Variants in UBE4B observed in about 807,000 individuals in gnomAD.
UBE4B encodes ubiquitin conjugation factor E4 B.
A neutral mutation model predicts 148.1 loss-of-function variants in UBE4B; 27 were observed. That is an observed-to-expected ratio of 0.18 (90% CI 0.13 to 0.25). The LOEUF (loss-of-function observed/expected upper bound fraction) is 0.25. Among genes scored for constraint, UBE4B ranks in the 10% least tolerant of loss-of-function variants. The pLI is 1.00. For missense variants in UBE4B, 1,170 were observed against 1,662.4 expected (o/e 0.70, Z 5.15); for synonymous variants, 596 against 619.3 (o/e 0.96, Z 0.56).
chr1:10,111,518 G>T (rs981828026), intron 7 of UBE4B, among the ~76,000 whole-genome samples: 1 of 152,096 alleles, frequency 6.6e-6, no homozygotes, highest in Non-Finnish European at 1.5e-5. Context: ...ACCCATGCAC[G>T]CACACCGTCG....
In UBE4B at chr1:10,135,152, G is replaced by T. The variant is rs754974888; in HGVS notation, c.2190G>T (p.Thr730=). ...ATGATGAGACGCGTGTGAATGCAAC[G>T]ATGGAAGATGTGAATGACTGGCTGA... ...LPNDETRVNA[T]MEDVNDWLTE... is the part of the protein sequence containing the mutation. Residue 730 remains threonine (T), a synonymous_variant, in exon 16 of 28, where the codon ACG becomes ACT. Coordinates refer to ENST00000343090, the MANE Select transcript of UBE4B (RefSeq NM_001105562.3). The T allele has an allele frequency of 7.4e-6, 12 of 1,613,862 alleles. No homozygotes were observed. In the South Asian group the frequency reaches 1.2e-4, roughly 16 times the overall value.
rs551321936 is a variant in UBE4B at position 10,168,855 on chromosome 1, G to C, written c.3333+585G>C. ...GGCAGTGAGCCGAGATGGTGCCACTGCACTCCAGCCTGGGCGACAGAGTGA... is the reference window on the plus strand; with the variant it reads ...GGCAGTGAGCCGAGATGGTGCCACTCCACTCCAGCCTGGGCGACAGAGTGA... On this transcript the variant is annotated intron_variant, in intron 24 of 27. Coordinates refer to ENST00000343090, the MANE Select transcript of UBE4B (RefSeq NM_001105562.3). This position sits in a 1 kb window ranked among gnomAD's most constrained non-coding sequence, Gnocchi z 4.9. Among the ~76,000 whole-genome samples the C allele has an allele frequency of 6.7e-6, 1 of 149,088 alleles. No homozygotes were observed. Among genetic ancestry groups the C allele is most frequent in the South Asian group, 2.1e-4 (1 of 4,744 alleles).
chr1:10,175,433 C>CTT (rs1646405889), intron 25 of UBE4B, among the ~76,000 whole-genome samples: 3 of 151,822 alleles, frequency 2.0e-5, no homozygotes, highest in Non-Finnish European at 4.4e-5. Context: ...GGGCGGATCA[C>CTT]AAGGTCAGGA....
At chr1:10,136,389 G>A (rs1645683513) in intron 16 of UBE4B, among the ~76,000 whole-genome samples, 1 of 151,644 alleles carries the variant, frequency 6.6e-6, no homozygotes, top group Non-Finnish European at 1.5e-5. Context: ...AGGATTGCCT[G>A]AGCCCAGGAA....
rs111941781 is a variant in UBE4B at position 10,161,851 on chromosome 1, C to T, written c.3198+565C>T. ...AGCCACTGAGATACTTCCTTGGTCG[C>T]TTATGAGGCCCTTGACAGTTGCTGG... On this transcript the variant is annotated intron_variant, in intron 23 of 27. Transcript: ENST00000343090. This position sits in a 1 kb window ranked among gnomAD's most constrained non-coding sequence, Gnocchi z 4.1. 4.9e-3 allele frequency among the ~76,000 whole-genome samples: 743 copies of T among 152,258 alleles called. 9 individuals are homozygous for T. Among genetic ancestry groups the T allele is most frequent in the African/African-American group, 0.017 (694 of 41,550 alleles).
intron 2 of UBE4B, among the ~76,000 whole-genome samples, chr1:10,090,028 A>T (rs1336027214): frequency 6.6e-6 from 1 of 151,690 alleles, no homozygotes; most frequent in Non-Finnish European, 1.5e-5. Flanking sequence ...AAAATAGGTA[A>T]CTTTGTTTTA....
At chr1:10,040,834 G>C (rs1643733940) in intron 1 of UBE4B, among the ~76,000 whole-genome samples, 1 of 151,724 alleles carries the variant, frequency 6.6e-6, no homozygotes, top group South Asian at 2.1e-4. Context: ...TGGCTTGGCG[G>C]GTCTCAAACT....
intron 11 of UBE4B, 83 bp from the exon 12 acceptor site, chr1:10,129,309 G>A: frequency 7.7e-7 from 1 of 1,297,678 alleles, no homozygotes; most frequent in African/African-American, 1.4e-5. Context: ...ATTTATAGCA[G>A]CAGTTAAAAC....
chr1:10,166,958 CACACACACACACAA>C (rs1473583578), intron 23 of UBE4B, among the ~76,000 whole-genome samples: 1 of 140,450 alleles, frequency 7.1e-6, no homozygotes, highest in African/African-American at 3.0e-5. Flanking sequence ...CACACACACA[CACACACACACACAA>C]AAAAAAAAAA....
At chr1:10,167,331 C>T (rs562292919) in intron 23 of UBE4B, among the ~76,000 whole-genome samples, 1 of 143,720 alleles carries the variant, frequency 7.0e-6, no homozygotes, top group African/African-American at 2.6e-5. Flanking sequence ...CCCAGCTACT[C>T]GGGATGCTGA....
At chr1:10,162,055 G>A (rs1446148478) in intron 23 of UBE4B, among the ~76,000 whole-genome samples, 1 of 149,954 alleles carries the variant, frequency 6.7e-6, no homozygotes, top group Non-Finnish European at 1.5e-5. Context: ...CAGGAGTACA[G>A]TGGTGCGATC....
At chr1:10,075,624 GTCA>G (rs1408630407) in intron 2 of UBE4B, among the ~76,000 whole-genome samples, 3 of 152,192 alleles carry the variant, frequency 2.0e-5, no homozygotes, top group African/African-American at 7.2e-5. Context: ...TTCTCACATA[GTCA>G]TCATTATTCA....
rs533189954 is a variant in UBE4B, at chr1:10,072,593, T to G, written c.211+379T>G. On this transcript the variant is annotated intron_variant, in intron 2 of 27. Coordinates refer to ENST00000343090, the MANE Select transcript of UBE4B (RefSeq NM_001105562.3). ...AATGGTCAAAATGAACACCTCTAAT[T>G]GCAGATTTCCTCGTCTTCATTCTGC... 45 of 679,216 alleles carry G rather than the reference T, an allele frequency of 6.6e-5. No individual in the cohort carries two copies. The African/African-American group carries it at 7.2e-4, about 11-fold the overall frequency. The allele number at this position is 679,216 out of a possible 1,614,324, so 42.1% of individuals were successfully genotyped here. A position where few individuals can be genotyped will look rare whatever the true frequency, so the allele number is the denominator to read the frequency against.
At chr1:10,151,298 C>T in intron 20 of UBE4B, 28 bp from the exon 21 acceptor site, 1 of 1,606,786 alleles carries the variant, frequency 6.2e-7, no homozygotes, top group Non-Finnish European at 8.5e-7. Flanking sequence ...TCAGCGGTCT[C>T]TTTCTTGCTC....
chr1:10,048,494 A>G (rs2101788072), intron 1 of UBE4B, among the ~76,000 whole-genome samples: 1 of 152,294 alleles, frequency 6.6e-6, no homozygotes, highest in Non-Finnish European at 1.5e-5. Flanking sequence ...CTGAGCCTCC[A>G]TCCATTCCAG....
intron 2 of UBE4B, among the ~76,000 whole-genome samples, chr1:10,088,944 G>A (rs1025480087): frequency 6.6e-6 from 1 of 152,168 alleles, no homozygotes; most frequent in South Asian, 2.1e-4. Context: ...CTCTCAATGT[G>A]TCGGGATTAC....
chr1:10,180,224 C>T lies in UBE4B; in HGVS notation c.*268C>T, dbSNP rs1646486872. 6.2e-6 allele frequency: 3 copies of T among 485,534 alleles called. No homozygotes were observed. Among genetic ancestry groups the T allele is most frequent in the Non-Finnish European group, 1.1e-5 (3 of 272,942 alleles). The allele number at this position is 485,534 out of a possible 1,614,324, so 30.1% of individuals were successfully genotyped here. On this transcript the variant is annotated 3_prime_UTR_variant, in exon 28 of 28. Transcript: ENST00000343090. Reference sequence around the variant, plus strand: ...TGCTTGTGTAATAAAGCATGTCCTTCGTATGTCACAGTTTGGGGCAACGGA... The same window carrying T: ...TGCTTGTGTAATAAAGCATGTCCTTTGTATGTCACAGTTTGGGGCAACGGA...
At chr1:10,078,989 T>A (rs537101524) in intron 2 of UBE4B, among the ~76,000 whole-genome samples, 70 of 152,060 alleles carry the variant, frequency 4.6e-4, no homozygotes, top group African/African-American at 1.5e-3. Flanking sequence ...GCTAATTTTT[T>A]AATTTTTTTT....
At chr1:10,108,597 T>C (rs1645162003) in intron 7 of UBE4B, among the ~76,000 whole-genome samples, 2 of 152,158 alleles carry the variant, frequency 1.3e-5, no homozygotes, top group African/African-American at 4.8e-5. Flanking sequence ...CAAAAATAAC[T>C]CCAGGCTATA....
Sources: gnomAD v4.1 joint callset for allele counts (sites outside exome capture counted in the v4.1 genomes callset) on GRCh38, gnomAD v4.1.1 for gene constraint, Gnocchi (gnomAD v3.1) non-coding constraint, MANE v1.5 for transcripts, NCBI Gene and HGNC (gene_info 2026-07-23, HGNC 2026-07-21) for gene names.